Variants in PDE4C observed in about 807,000 individuals in gnomAD.
The protein encoded by PDE4C is phosphodiesterase 4C, also known as 3',5'-cyclic-AMP phosphodiesterase 4C.
A neutral mutation model predicts 63.9 loss-of-function variants in PDE4C; 50 were observed. The ratio of observed to expected loss-of-function variants is 0.78; its 90% CI spans 0.62 to 0.99. The LOEUF is 0.99. PDE4C is among the 50% of genes least tolerant of loss of function. PDE4C has a pLI of 0.00. For missense variants in PDE4C, 777 were observed against 899.1 expected (o/e 0.86, Z 1.74); for synonymous variants, 377 against 385.1 (o/e 0.98, Z 0.25).
chr19:18,248,911 G>C (rs1248557544), upstream of PDE4C, among the ~76,000 whole-genome samples: 1 of 151,956 alleles, frequency 6.6e-6, no homozygotes, highest in East Asian at 1.9e-4. Flanking sequence ...TGTAATCCCA[G>C]CTACTTGGGA....
At chr19:18,221,457 C>A (rs1188202864) in intron 2 of PDE4C, among the ~76,000 whole-genome samples, 160 bp from the exon 3 acceptor site, 17 of 152,140 alleles carry the variant, frequency 1.1e-4, no homozygotes, top group Non-Finnish European at 7.3e-5. Flanking sequence ...TGAGACCCAG[C>A]ACAGCCCCTC....
chr19:18,244,280 C>T (rs1205947388), intron 1 of PDE4C, among the ~76,000 whole-genome samples: 1 of 151,420 alleles, frequency 6.6e-6, no homozygotes, highest in African/African-American at 2.4e-5. Flanking sequence ...CCTGAGCTAC[C>T]TCCCCTTTTT....
chr19:18,230,492 G>A (rs1308726294), upstream of PDE4C, among the ~76,000 whole-genome samples: 1 of 152,114 alleles, frequency 6.6e-6, no homozygotes, highest in Admixed American at 6.6e-5. Context: ...AACAGAGTGA[G>A]AGACTCCATC....
upstream of PDE4C, among the ~76,000 whole-genome samples, chr19:18,229,161 G>T (rs1968799670): frequency 1.4e-5 from 2 of 144,426 alleles, no homozygotes; most frequent in South Asian, 4.3e-4. Context: ...TATTGGTCAG[G>T]CTGGTCTCGA....
intron 1 of PDE4C, among the ~76,000 whole-genome samples, chr19:18,244,778 C>T (rs1351111226): frequency 6.6e-6 from 1 of 151,572 alleles, no homozygotes; most frequent in African/African-American, 2.4e-5. Context: ...TCCCACACTG[C>T]TAGGATTACA....
At chr19:18,249,272 C>T (rs1214285274), upstream of PDE4C, among the ~76,000 whole-genome samples, 1 of 151,972 alleles carries the variant, frequency 6.6e-6, no homozygotes, top group African/African-American at 2.4e-5. Context: ...CCCGGCACCC[C>T]CAGTTTTGTT....
rs769224465 is a variant in PDE4C at position 18,220,421 on chromosome 19, C to T, written c.594G>A (p.Gly198=). Residue 198 remains glycine (G), a synonymous_variant, in exon 6 of 15, where the codon GGG becomes GGA. Coordinates refer to ENST00000262805, the Ensembl canonical transcript of PDE4C. This position sits in a 1 kb window ranked among gnomAD's most constrained non-coding sequence, Gnocchi z 5.1. ...ACCTCACCTTGTTGGAGGCCATCTC[C>T]CCCACCGAGTGCCGGGTCTGCAGCG... 3 of 1,614,110 alleles carry T rather than the reference C, an allele frequency of 1.9e-6. No individual in the cohort carries two copies. Among genetic ancestry groups the T allele is most frequent in the East Asian group, 2.2e-5 (1 of 44,882 alleles).
At chr19:18,211,334 A>C in intron 14 of PDE4C, 58 bp from the exon 15 acceptor site, 27 of 1,402,654 alleles carry the variant, frequency 1.9e-5, no homozygotes, top group Non-Finnish European at 2.5e-5. Context: ...CCCTAGACTC[A>C]ATCCAGCCTC....
intron 14 of PDE4C, among the ~76,000 whole-genome samples, chr19:18,211,477 A>G (rs1246013796): frequency 1.3e-5 from 2 of 151,922 alleles, no homozygotes; most frequent in Non-Finnish European, 2.9e-5. Flanking sequence ...TCCAACCCCA[A>G]CCCTAACCCC....
At chr19:18,224,787 G>A (rs1968655061) in intron 1 of PDE4C, among the ~76,000 whole-genome samples, 1 of 152,254 alleles carries the variant, frequency 6.6e-6, no homozygotes, top group East Asian at 1.9e-4. Flanking sequence ...AGCCGAAGGG[G>A]CGGGGCTTCT....
chr19:18,215,756 G>A (rs977452056), intron 12 of PDE4C, among the ~76,000 whole-genome samples: 12 of 151,468 alleles, frequency 7.9e-5, no homozygotes, highest in Admixed American at 6.6e-5. Flanking sequence ...CTCATGATCC[G>A]CCTGCCTCGG....
chr19:18,212,827 A>G (rs1968017249), intron 13 of PDE4C, among the ~76,000 whole-genome samples: 1 of 151,046 alleles, frequency 6.6e-6, no homozygotes, highest in South Asian at 2.1e-4. Flanking sequence ...AGCTGAGATT[A>G]CAGGCGCCCG....
chr19:18,218,464 G>C, exon 10 of PDE4C: 2 of 1,614,222 alleles, frequency 1.2e-6, no homozygotes, highest in Non-Finnish European at 1.7e-6. Context: ...CAGTGTGTCT[G>C]CTGGGATCTG....
chr19:18,245,429 T>A (rs962636691), intron 1 of PDE4C, among the ~76,000 whole-genome samples: 1 of 151,982 alleles, frequency 6.6e-6, no homozygotes, highest in Non-Finnish European at 1.5e-5. Context: ...CCTCCCAAAG[T>A]GCTGGGATTA....
At chr19:18,219,706 C>A (rs944475853) in intron 7 of PDE4C, 2 of 283,810 alleles carry the variant, frequency 7.0e-6, no homozygotes, top group Admixed American at 9.6e-5. Context: ...CACCTGTAAC[C>A]CCAGCTACTC....
At chr19:18,227,775 G>A (rs545850589), upstream of PDE4C, among the ~76,000 whole-genome samples, 110 of 152,260 alleles carry the variant, frequency 7.2e-4, no homozygotes, top group Non-Finnish European at 1.2e-3. Flanking sequence ...CCCCCGGGGC[G>A]GCTGCCTCAG....
chr19:18,253,562 A>AC, the PDE4C span, among the ~76,000 whole-genome samples: 182 of 57,558 alleles, frequency 3.2e-3, 1 homozygote, highest in African/African-American at 0.011. Flanking sequence ...AAAAAAAAAA[A>AC]AACACACACA....
At chr19:18,237,603 T>C (rs1050393548), upstream of PDE4C, among the ~76,000 whole-genome samples, 4 of 151,186 alleles carry the variant, frequency 2.6e-5, no homozygotes, top group Non-Finnish European at 5.9e-5. Flanking sequence ...CCAGGCCCAG[T>C]GGCTCACGCC....
At chr19:18,255,196 C>T in the PDE4C span, 2 of 396,648 alleles carry the variant, frequency 5.0e-6, no homozygotes, top group Non-Finnish European at 8.8e-6. This position sits in a 1 kb window ranked among gnomAD's most constrained non-coding sequence, Gnocchi z 4.6. Flanking sequence ...TTTCTGGAAG[C>T]TGAGCCTCTT....
Sources: allele counts gnomAD v4.1 joint callset (sites outside exome capture counted in the v4.1 genomes callset), GRCh38; gene constraint gnomAD v4.1.1; non-coding constraint Gnocchi (gnomAD v3.1); transcripts MANE v1.5; gene names NCBI Gene and HGNC (gene_info 2026-07-23, HGNC 2026-07-21).